AGBL4: variants seen among roughly 807,000 people sequenced by gnomAD.
AGBL4 encodes cytosolic carboxypeptidase 6.
Under a neutral mutation model 66.4 loss-of-function variants are expected in AGBL4, and 58 were observed. That is an observed-to-expected ratio of 0.87 (90% CI 0.71 to 1.09). The LOEUF is 1.09. AGBL4 is among the 50% of genes least tolerant of loss of function. The probability of loss-of-function intolerance (pLI) is 0.00; values close to 1 mark genes in which losing one functional copy is unlikely to be tolerated. For synonymous variants in AGBL4, 234 were observed against 222.9 expected (o/e 1.05, Z -0.44); for missense variants, 579 against 631.0 (o/e 0.92, Z 0.88).
At chr1:49,916,019 G>C (rs904408097) in intron 1 of AGBL4, among the ~76,000 whole-genome samples, 1 of 152,184 alleles carries the variant, frequency 6.6e-6, no homozygotes, top group East Asian at 1.9e-4. Context: ...CTTCAGCTGA[G>C]GGACCTGATT....
At chr1:48,600,502 C>A (rs935730806) in intron 9 of AGBL4, among the ~76,000 whole-genome samples, 5 of 152,196 alleles carry the variant, frequency 3.3e-5, no homozygotes, top group African/African-American at 1.2e-4. Context: ...CAGTCTGGCT[C>A]TGCAATCCAT....
intron 1 of AGBL4, among the ~76,000 whole-genome samples, chr1:50,006,504 A>C (rs1003109236): frequency 2.6e-5 from 4 of 152,150 alleles, no homozygotes; most frequent in Admixed American, 6.6e-5. Context: ...CAAAGCATTT[A>C]ATAATCAAAC....
chr1:48,800,142 T>A (rs1442807504), intron 6 of AGBL4, among the ~76,000 whole-genome samples: 1 of 152,204 alleles, frequency 6.6e-6, no homozygotes, highest in Non-Finnish European at 1.5e-5. Context: ...CATTTTTTTG[T>A]TGGCAATTTT....
chr1:49,395,662 A>G (rs72684884), intron 3 of AGBL4, among the ~76,000 whole-genome samples: 77,317 of 146,764 alleles, frequency 0.53, 21,694 homozygotes, highest in Middle Eastern at 0.63. Flanking sequence ...TATTTGAATC[A>G]TCTGTCCTCA....
chr1:49,203,387 T>C (rs942090415), intron 4 of AGBL4, among the ~76,000 whole-genome samples: 1 of 152,000 alleles, frequency 6.6e-6, no homozygotes, highest in Non-Finnish European at 1.5e-5. Flanking sequence ...CATGAATAAA[T>C]GAATGAATAA....
At chr1:49,906,050 T>C (rs995867484) in intron 1 of AGBL4, among the ~76,000 whole-genome samples, 4 of 151,842 alleles carry the variant, frequency 2.6e-5, no homozygotes, top group Admixed American at 6.6e-5. Context: ...TATGTAGCCA[T>C]TGTTGCTAGT....
chr1:48,575,859 C>T (rs908058130), intron 11 of AGBL4, among the ~76,000 whole-genome samples: 7 of 152,206 alleles, frequency 4.6e-5, no homozygotes, highest in Admixed American at 1.3e-4. Context: ...GCATAGGCTA[C>T]AGCCACTCAG....
At chr1:48,733,400 T>A (rs1208168535) in intron 6 of AGBL4, among the ~76,000 whole-genome samples, 1 of 152,124 alleles carries the variant, frequency 6.6e-6, no homozygotes, top group African/African-American at 2.4e-5. Flanking sequence ...AGTCTGTAGG[T>A]GTGATGCCTC....
intron 4 of AGBL4, among the ~76,000 whole-genome samples, chr1:49,186,230 C>T (rs968567888): frequency 3.9e-5 from 6 of 152,156 alleles, no homozygotes; most frequent in African/African-American, 1.4e-4. Context: ...GCCCCTCTCC[C>T]TAGAATACAC....
chr1:48,600,437 T>C (rs1327602499), intron 9 of AGBL4, among the ~76,000 whole-genome samples: 1 of 152,068 alleles, frequency 6.6e-6, no homozygotes, highest in Non-Finnish European at 1.5e-5. Flanking sequence ...CACTCAGGAA[T>C]AGGGTGGTTG....
intron 5 of AGBL4, among the ~76,000 whole-genome samples, chr1:48,968,614 G>C (rs1183601850): frequency 6.6e-6 from 1 of 152,072 alleles, no homozygotes; most frequent in Non-Finnish European, 1.5e-5. Context: ...TGTCTAAACT[G>C]TTCATTCTAT....
intron 2 of AGBL4, among the ~76,000 whole-genome samples, chr1:49,744,003 A>T (rs1406440184): frequency 6.6e-6 from 1 of 152,100 alleles, no homozygotes; most frequent in Non-Finnish European, 1.5e-5. Context: ...ATGTATACAT[A>T]TGTAACAAAT....
At chr1:48,724,580 G>C (rs767459727) in intron 6 of AGBL4, among the ~76,000 whole-genome samples, 2 of 152,168 alleles carry the variant, frequency 1.3e-5, no homozygotes, top group South Asian at 4.1e-4. Flanking sequence ...CTAACTATGT[G>C]CTATAATCAT....
intron 1 of AGBL4, among the ~76,000 whole-genome samples, chr1:49,876,167 T>C (rs1310896700): frequency 1.4e-5 from 2 of 146,534 alleles, no homozygotes; most frequent in Non-Finnish European, 3.0e-5. Flanking sequence ...TTTAATTAGA[T>C]CCCATTTGTC....
intron 11 of AGBL4, among the ~76,000 whole-genome samples, chr1:48,554,821 C>A (rs879805801): frequency 6.6e-6 from 1 of 152,110 alleles, no homozygotes; most frequent in Admixed American, 6.6e-5. Context: ...AGTTAGCAAG[C>A]GGACGGTTAG....
In AGBL4 at chr1:49,213,502, C is replaced by A. The variant is rs371008593; in HGVS notation, c.377+32268G>T. Among the ~76,000 whole-genome samples the A allele has an allele frequency of 1.1e-3, 163 of 152,098 alleles. 1 individual carries two copies. The highest frequency in any genetic ancestry group is 3.8e-3 in the African/African-American group (158 of 41,490). ...TTTGAAAGTGTGTGACACCTCCCCCCACCCTTGCTCCTATTTCCGCCATGT... is the reference window on the plus strand; with the variant it reads ...TTTGAAAGTGTGTGACACCTCCCCCAACCCTTGCTCCTATTTCCGCCATGT... On this transcript the variant is annotated intron_variant, in intron 4 of 13. Transcript: ENST00000371839.
chr1:49,444,001 T>C (rs1197655757), intron 3 of AGBL4, among the ~76,000 whole-genome samples: 3 of 152,048 alleles, frequency 2.0e-5, no homozygotes, highest in South Asian at 2.1e-4. Context: ...TTTTTAGCTT[T>C]ATTTTAATTT....
intron 4 of AGBL4, among the ~76,000 whole-genome samples, chr1:49,049,131 T>G (rs1174947881): frequency 6.6e-6 from 1 of 152,160 alleles, no homozygotes; most frequent in Non-Finnish European, 1.5e-5. Flanking sequence ...TATATTCAAC[T>G]ACTCATAACT....
At chr1:49,012,238 G>GT (rs1315570242) in intron 5 of AGBL4, among the ~76,000 whole-genome samples, 1 of 152,076 alleles carries the variant, frequency 6.6e-6, no homozygotes. Context: ...GTGAGCCTGG[G>GT]TTTCAGAGCT....
Sources: gnomAD v4.1 joint callset for allele counts (sites outside exome capture counted in the v4.1 genomes callset) on GRCh38, gnomAD v4.1.1 for gene constraint, MANE v1.5 for transcripts, NCBI Gene and HGNC (gene_info 2026-07-23, HGNC 2026-07-21) for gene names.